The following MAPK8 variants were observed in gnomAD, a reference collection of about 807,000 sequenced individuals.
MAPK8 encodes mitogen-activated protein kinase 8.
A neutral mutation model predicts 52.9 loss-of-function variants in MAPK8; 13 were observed. The ratio of observed to expected loss-of-function variants is 0.25; its 90% CI spans 0.16 to 0.39. MAPK8 has a LOEUF of 0.39. MAPK8 is among the 10% of genes least tolerant of loss of function. The pLI, the probability that MAPK8 is intolerant of heterozygous loss-of-function variation, is 1.00. For synonymous variants in MAPK8, 191 were observed against 169.8 expected (o/e 1.12, Z -0.97); for missense variants, 300 against 519.2 (o/e 0.58, Z 4.10).
At position 48,382,053 on chromosome 10, in the gene MAPK8, G is replaced by C. The variant is rs549659965; in HGVS notation, c.-49-19559G>C. Among the ~76,000 whole-genome samples, 3 of 152,260 alleles carry C rather than the reference G, an allele frequency of 2.0e-5. No individual in the cohort carries two copies. In the South Asian group the frequency reaches 6.2e-4, roughly 32 times the overall value. On this transcript the variant is annotated intron_variant, in intron 1 of 11. Coordinates refer to ENST00000374189, the MANE Select transcript of MAPK8 (RefSeq NM_001323329.2). ...CACCATAGCCAGGAGACAACAGCCA[G>C]GCCAGAGGGAGTACCACATATGTCT...
In MAPK8 at chr10:48,433,021, G is replaced by A. The variant is rs557374844; in HGVS notation, c.1138+1751G>A. Among the ~76,000 whole-genome samples, 6 of 152,000 alleles carry A rather than the reference G, an allele frequency of 3.9e-5. No homozygotes were observed. In the South Asian group the frequency reaches 1.0e-3, roughly 26 times the overall value. ...AGGAATTTTATTCTTTTTCCCTGTC[G>A]AGTGCCTTCCTATCTTTGTTTTGGT... is the stretch of plus-strand genomic sequence containing the variant. On this transcript the variant is annotated intron_variant, in intron 11 of 11. Transcript: ENST00000374189.
intron 5 of MAPK8, among the ~76,000 whole-genome samples, chr10:48,414,924 C>T (rs946351242): frequency 3.9e-5 from 6 of 151,978 alleles, no homozygotes; most frequent in Non-Finnish European, 8.8e-5. Flanking sequence ...ATTACATCTT[C>T]CTTCTGAGTC....
In MAPK8 at chr10:48,410,225, G is replaced by C. The variant is rs756323365; in HGVS notation, c.450+57G>C. 2.1e-6 allele frequency: 3 copies of C among 1,410,988 alleles called. No individual in the cohort carries two copies. In the East Asian group the frequency reaches 7.3e-5, roughly 34 times the overall value. 87.4% of individuals were successfully genotyped at this position (1,410,988 alleles called of 1,614,324 possible). On this transcript the variant is annotated intron_variant, in intron 5 of 11. Coordinates refer to ENST00000374189, the MANE Select transcript of MAPK8 (RefSeq NM_001323329.2). ...GTTTTCTCATTGAGGTGAAATTCAT[G>C]TAACAAAATTAACCATTCTAAAGTG...
intron 1 of MAPK8, among the ~76,000 whole-genome samples, chr10:48,315,267 A>G (rs1030254658): frequency 1.3e-5 from 2 of 152,206 alleles, no homozygotes; most frequent in African/African-American, 4.8e-5. Context: ...TGGTAAAATT[A>G]TGCACAGCTA....
intron 1 of MAPK8, among the ~76,000 whole-genome samples, chr10:48,381,476 G>T (rs1478556463): frequency 6.6e-6 from 1 of 151,852 alleles, no homozygotes; most frequent in Non-Finnish European, 1.5e-5. Flanking sequence ...TATTAACTAC[G>T]ATTTTAACTC....
chr10:48,431,968 G>A (rs373549812), intron 11 of MAPK8, among the ~76,000 whole-genome samples: 1 of 152,162 alleles, frequency 6.6e-6, no homozygotes, highest in Non-Finnish European at 1.5e-5. Flanking sequence ...TATGGATGAG[G>A]AAACTAAAGT....
chr10:48,407,685 T>C (rs1027152574), intron 3 of MAPK8, among the ~76,000 whole-genome samples: 3 of 152,208 alleles, frequency 2.0e-5, no homozygotes, highest in South Asian at 2.1e-4. Flanking sequence ...TTCAGTGATA[T>C]GTGGGACCAT....
At chr10:48,416,043 G>A (rs971934252) in intron 5 of MAPK8, among the ~76,000 whole-genome samples, 1 of 152,092 alleles carries the variant, frequency 6.6e-6, no homozygotes, top group Admixed American at 6.6e-5. Flanking sequence ...TTTTTTGCAG[G>A]TGGTCTTGAG....
At chr10:48,318,357 A>G (rs958481195) in intron 1 of MAPK8, among the ~76,000 whole-genome samples, 4 of 152,194 alleles carry the variant, frequency 2.6e-5, no homozygotes, top group Admixed American at 2.0e-4. Context: ...TGTTTGAATA[A>G]CTGGGTACTA....
intron 1 of MAPK8, among the ~76,000 whole-genome samples, chr10:48,312,048 G>A (rs944964453): frequency 6.6e-6 from 1 of 152,196 alleles, no homozygotes; most frequent in Non-Finnish European, 1.5e-5. Context: ...AATATTGTTA[G>A]TCATTTCATT....
chr10:48,400,115 G>C (rs1024785630), intron 1 of MAPK8, among the ~76,000 whole-genome samples: 1 of 152,230 alleles, frequency 6.6e-6, no homozygotes. Context: ...AACAATCCCT[G>C]TATGTGAGCA....
At chr10:48,411,470 C>T (rs1331822241) in intron 5 of MAPK8, among the ~76,000 whole-genome samples, 1 of 152,162 alleles carries the variant, frequency 6.6e-6, no homozygotes, top group Non-Finnish European at 1.5e-5. Flanking sequence ...TCACATAGCT[C>T]CTATGTGCCT....
At chr10:48,425,515 TTGAC>T (rs1259366219) in intron 7 of MAPK8, 1 of 338,802 alleles carries the variant, frequency 3.0e-6, no homozygotes, top group Non-Finnish European at 5.3e-6. Context: ...TTCTGATAAA[TTGAC>T]AGAAAAGGAA....
intron 1 of MAPK8, among the ~76,000 whole-genome samples, chr10:48,320,397 C>T (rs1842896119): frequency 6.6e-6 from 1 of 151,510 alleles, no homozygotes; most frequent in Admixed American, 6.6e-5. Context: ...GCCACCACAC[C>T]TGGCTAATTT....
intron 1 of MAPK8, among the ~76,000 whole-genome samples, chr10:48,395,163 T>A (rs1191489126): frequency 6.6e-6 from 1 of 151,962 alleles, no homozygotes; most frequent in Non-Finnish European, 1.5e-5. Context: ...CAAGCTTAGT[T>A]CTGATATTTA....
chr10:48,355,594 C>G (rs1846830350), intron 1 of MAPK8, among the ~76,000 whole-genome samples: 2 of 151,372 alleles, frequency 1.3e-5, no homozygotes, highest in Admixed American at 1.3e-4. Context: ...TGAATAATTA[C>G]TCAACAAGCA....
intron 1 of MAPK8, among the ~76,000 whole-genome samples, chr10:48,316,449 G>A (rs781648495): frequency 5.3e-5 from 8 of 152,186 alleles, no homozygotes; most frequent in East Asian, 1.9e-4. Context: ...AGGTATCCCC[G>A]TCCTTAAGCA....
At chr10:48,350,051 C>T (rs534477591) in intron 1 of MAPK8, among the ~76,000 whole-genome samples, 6 of 152,230 alleles carry the variant, frequency 3.9e-5, no homozygotes, top group African/African-American at 1.4e-4. Flanking sequence ...CATATAGCCT[C>T]CCAAGACTAA....
At chr10:48,344,665 A>G (rs1476498440) in intron 1 of MAPK8, among the ~76,000 whole-genome samples, 7 of 152,226 alleles carry the variant, frequency 4.6e-5, no homozygotes, top group Non-Finnish European at 7.3e-5. Context: ...AATATCTTCT[A>G]TAAGCAAGGC....
Sources: gnomAD v4.1 joint callset for allele counts (sites outside exome capture counted in the v4.1 genomes callset) on GRCh38, gnomAD v4.1.1 for gene constraint, MANE v1.5 for transcripts, NCBI Gene and HGNC (gene_info 2026-07-23, HGNC 2026-07-21) for gene names.